The following FNDC1 variants were observed in gnomAD, a reference collection of about 807,000 sequenced individuals.
FNDC1 encodes the protein fibronectin type III domain containing 1.
FNDC1 carries 96 observed loss-of-function variants against 168.0 expected under a neutral mutation model. The observed-to-expected ratio is 0.57, with a 90% confidence interval of 0.48 to 0.68. FNDC1 has a LOEUF of 0.68. Ranked by LOEUF, FNDC1 falls within the 30% of genes least tolerant of loss-of-function variation. The probability of loss-of-function intolerance (pLI) is 0.00; values close to 1 mark genes in which losing one functional copy is unlikely to be tolerated. For missense variants in FNDC1, 2,587 were observed against 2,482.1 expected, an observed-to-expected ratio of 1.04 and a Z score of -0.90; for synonymous variants, 1,099 against 1,025.9, an observed-to-expected ratio of 1.07 and a Z score of -1.36.
rs773039427 is a variant in FNDC1, at chr6:159,232,502, G to A, written c.1990G>A (p.Ala664Thr). 8 of 1,612,158 alleles carry A rather than the reference G, an allele frequency of 5.0e-6. No individual in the cohort carries two copies. Among genetic ancestry groups the A allele is most frequent in the Admixed American group, 1.7e-5 (1 of 59,910 alleles). The change falls in exon 11 of 23, where the codon GCC (alanine) becomes ACC (threonine). Residue 664 changes from alanine (A) to threonine (T), a missense_variant. By Grantham distance (58) the Ala-to-Thr change is moderately conservative (BLOSUM62 0). Transcript: ENST00000297267. This position sits in a 1 kb window ranked among gnomAD's most constrained non-coding sequence, Gnocchi z 4.9. ...VGSLHPKGAF[A>T]QPRPALSPSR... Reference sequence around the variant, plus strand: ...CTCCCTCCACCCCAAGGGCGCCTTCGCCCAGCCCCGGCCAGCCCTGTCCCC... The same window carrying A: ...CTCCCTCCACCCCAAGGGCGCCTTCACCCAGCCCCGGCCAGCCCTGTCCCC...
intron 1 of FNDC1, among the ~76,000 whole-genome samples, chr6:159,195,727 T>A (rs1472505646): frequency 6.6e-6 from 1 of 152,190 alleles, no homozygotes; most frequent in African/African-American, 2.4e-5. Flanking sequence ...AAGTAAATCA[T>A]GTTCTGGCCT....
rs372608984 is a variant in FNDC1, at chr6:159,239,733, C to G, written c.4397C>G (p.Pro1466Arg). Reference sequence around the variant, plus strand: ...ACGCCCCTGCCTACCACTACAACCCCGAGGCCCACCACTGCCACCACCCGC... The same window carrying G: ...ACGCCCCTGCCTACCACTACAACCCGGAGGCCCACCACTGCCACCACCCGC... ...TTTPLPTTTT[P>R]RPTTATTRRT... Residue 1466 changes from proline to arginine, a missense_variant, in exon 14 of 23, where the codon CCG becomes CGG. Coordinates refer to ENST00000297267, the MANE Select transcript of FNDC1 (RefSeq NM_032532.3). 1 of 1,547,514 alleles carries G rather than the reference C, an allele frequency of 6.5e-7. No individual in the cohort carries two copies. Among genetic ancestry groups the G allele is most frequent in the Non-Finnish European group, 8.7e-7 (1 of 1,144,694 alleles).
intron 8 of FNDC1, among the ~76,000 whole-genome samples, chr6:159,226,093 T>C (rs1230360520): frequency 6.6e-6 from 1 of 152,172 alleles, no homozygotes; most frequent in Non-Finnish European, 1.5e-5. Context: ...GAGGTTGCAT[T>C]TGATTCTGGG....
intron 14 of FNDC1, among the ~76,000 whole-genome samples, chr6:159,244,964 C>CT (rs1783506996): frequency 6.6e-6 from 1 of 152,148 alleles, no homozygotes; most frequent in Non-Finnish European, 1.5e-5. Context: ...TTCTAAATGG[C>CT]TGGGGAGACC....
chr6:159,236,987 ATTAT>A (rs1354195361), intron 12 of FNDC1, among the ~76,000 whole-genome samples: 1 of 152,212 alleles, frequency 6.6e-6, no homozygotes, highest in East Asian at 1.9e-4. Flanking sequence ...GAATAAAAAA[ATTAT>A]TTATACTGTA....
At position 159,225,654 on chromosome 6, in the gene FNDC1, T is replaced by C; in HGVS notation, c.1004T>C (p.Val335Ala). The C allele has an allele frequency of 6.2e-7, 1 of 1,613,946 alleles. No homozygotes were observed. Among genetic ancestry groups the C allele is most frequent in the Non-Finnish European group, 8.5e-7 (1 of 1,179,842 alleles). Residue 335 changes from valine (V) to alanine (A), a missense_variant, in exon 8 of 23, where the codon GTC becomes GCC. Physicochemically the swap from Val to Ala is moderately conservative, Grantham distance 64. Coordinates refer to ENST00000297267, the MANE Select transcript of FNDC1 (RefSeq NM_032532.3). The part of the protein sequence containing the change: ...LIPDTVYEFA[V>A]RISQGERDGK... ...CCAGACACTGTGTATGAATTTGCAG[T>C]CCGTATTTCACAGGGTGAAAGAGAT...
At chr6:159,185,071 G>GC (rs951296614) in intron 1 of FNDC1, among the ~76,000 whole-genome samples, 11 of 109,758 alleles carry the variant, frequency 1.0e-4, no homozygotes, top group Middle Eastern at 7.4e-3. Flanking sequence ...GGAGGGTGGG[G>GC]GGGGGGGAAT....
chr6:159,212,308 G>A (rs1435120802), intron 4 of FNDC1, among the ~76,000 whole-genome samples: 1 of 152,196 alleles, frequency 6.6e-6, no homozygotes, highest in East Asian at 1.9e-4. Context: ...CAAGATAAAA[G>A]ACTTACACAG....
At chr6:159,269,273 TATCTATCTATCTATCTATCC>T (rs1486996106) in intron 22 of FNDC1, among the ~76,000 whole-genome samples, 18 of 89,432 alleles carry the variant, frequency 2.0e-4, no homozygotes, top group Non-Finnish European at 3.0e-4. Context: ...TCTATCTATC[TATCTATCTATCTATCTATCC>T]ATCCATCCAT....
chr6:159,236,723 T>C (rs1006236753), intron 12 of FNDC1, among the ~76,000 whole-genome samples: 1 of 152,232 alleles, frequency 6.6e-6, no homozygotes, highest in African/African-American at 2.4e-5. Flanking sequence ...TTTCTGTAAG[T>C]CATCTCAAAT....
intron 1 of FNDC1, among the ~76,000 whole-genome samples, chr6:159,171,339 A>C (rs897336695): frequency 2.0e-5 from 3 of 152,200 alleles, no homozygotes; most frequent in Non-Finnish European, 4.4e-5. Context: ...TAATAGAAGG[A>C]TAGAAACAGA....
At position 159,271,633 on chromosome 6, in the gene FNDC1, A is replaced by G; in HGVS notation, c.*191A>G. 1.9e-6 allele frequency: 1 copy of G among 528,300 alleles called. No homozygotes were observed. The highest frequency in any genetic ancestry group is 3.4e-6 in the Non-Finnish European group (1 of 290,062). 32.7% of individuals were successfully genotyped at this position (528,300 alleles called of 1,614,324 possible). A position where few individuals can be genotyped will look rare whatever the true frequency, so the allele number is the denominator to read the frequency against. On this transcript the variant is annotated 3_prime_UTR_variant, in exon 23 of 23. Coordinates refer to ENST00000297267, the MANE Select transcript of FNDC1 (RefSeq NM_032532.3). Reference sequence around the variant, plus strand: ...TCCCACTTCTTGGCCTGGACAATGAACAGGATTCAGTTTTGCTGTTAACTT... The same window carrying G: ...TCCCACTTCTTGGCCTGGACAATGAGCAGGATTCAGTTTTGCTGTTAACTT...
In FNDC1 at chr6:159,223,554, G is replaced by A. The variant is rs1782883417; in HGVS notation, c.793G>A (p.Asp265Asn). Residue 265 changes from aspartate to asparagine, a missense_variant, in exon 7 of 23, where the codon GAC (aspartate) becomes AAC (asparagine). Coordinates refer to ENST00000297267, the MANE Select transcript of FNDC1 (RefSeq NM_032532.3). ...AGAGGACGAATTGGATGTACCTGAC[G>A]ACATCAGCGTCCGGGTTATGTCATC... is the stretch of plus-strand genomic sequence containing the variant. ...SEEDELDVPD[D>N]ISVRVMSSQS... 4 of 1,613,552 alleles carry A rather than the reference G, an allele frequency of 2.5e-6. No homozygotes were observed. The highest frequency in any genetic ancestry group is 2.2e-5 in the East Asian group (1 of 44,872).
At chr6:159,269,569 T>TC (rs1777694303) in intron 22 of FNDC1, among the ~76,000 whole-genome samples, 2 of 147,966 alleles carry the variant, frequency 1.4e-5, no homozygotes, top group African/African-American at 5.0e-5. Context: ...CATCCATCCA[T>TC]CTATCCTATC....
At chr6:159,177,666 T>G (rs1194940560) in intron 1 of FNDC1, among the ~76,000 whole-genome samples, 1 of 152,092 alleles carries the variant, frequency 6.6e-6, no homozygotes, top group Non-Finnish European at 1.5e-5. Context: ...TGGCACAGAA[T>G]CACATATACA....
intron 4 of FNDC1, among the ~76,000 whole-genome samples, chr6:159,204,659 C>T (rs1415780954): frequency 2.0e-5 from 3 of 152,208 alleles, no homozygotes; most frequent in Admixed American, 1.3e-4. Flanking sequence ...TCTGCCAGGA[C>T]CCCCAGCTAT....
chr6:159,191,804 G>A (rs1782147198), intron 1 of FNDC1, among the ~76,000 whole-genome samples: 1 of 152,152 alleles, frequency 6.6e-6, no homozygotes, highest in South Asian at 2.1e-4. Flanking sequence ...TTAAAATGGA[G>A]CATATTCAAG....
In FNDC1 at chr6:159,207,918, C is replaced by T. The variant is rs147349106; in HGVS notation, c.461-7027C>T. ...TAGAATATTTAACACTCCTTCTCTT[C>T]GCTTAGAGGCTATGAGGCCATCTCT... is the stretch of plus-strand genomic sequence containing the variant. On this transcript the variant is annotated intron_variant, in intron 4 of 22. Transcript: ENST00000297267. 1.6e-3 allele frequency among the ~76,000 whole-genome samples: 244 copies of T among 152,346 alleles called. 1 individual carries two copies. Among genetic ancestry groups the T allele is most frequent in the African/African-American group, 5.6e-3 (231 of 41,576 alleles).
chr6:159,174,187 G>T (rs1781716836), intron 1 of FNDC1, among the ~76,000 whole-genome samples: 1 of 152,252 alleles, frequency 6.6e-6, no homozygotes, highest in African/African-American at 2.4e-5. Flanking sequence ...GAATACCCAT[G>T]AAACTACAAA....
Sources: allele counts gnomAD v4.1 joint callset (sites outside exome capture counted in the v4.1 genomes callset), GRCh38; gene constraint gnomAD v4.1.1; non-coding constraint Gnocchi (gnomAD v3.1); transcripts MANE v1.5; gene names NCBI Gene and HGNC (gene_info 2026-07-23, HGNC 2026-07-21).